The following B4GALT5 variants were observed in gnomAD, a reference collection of about 807,000 sequenced individuals.
B4GALT5 encodes UDP-Gal:beta-GlcNAc beta-1,4-galactosyltransferase 5.
Under a neutral mutation model 45.0 loss-of-function variants are expected in B4GALT5, and 11 were observed. That is an observed-to-expected ratio of 0.24 (90% CI 0.15 to 0.40). B4GALT5 has a LOEUF of 0.40. Among genes scored for constraint, B4GALT5 ranks in the 10% least tolerant of loss-of-function variants. The probability of loss-of-function intolerance (pLI) is 1.00; values close to 1 mark genes in which losing one functional copy is unlikely to be tolerated. For synonymous variants in B4GALT5, 185 were observed against 182.9 expected, an observed-to-expected ratio of 1.01 and a Z score of -0.09; for missense variants, 337 against 500.2, an observed-to-expected ratio of 0.67 and a Z score of 3.11.
At chr20:49,708,394 G>A (rs922162633) in intron 1 of B4GALT5, among the ~76,000 whole-genome samples, 29 of 152,170 alleles carry the variant, frequency 1.9e-4, no homozygotes, top group African/African-American at 6.3e-4. Flanking sequence ...GATTGACTAA[G>A]ATGCAGTTCT....
intron 1 of B4GALT5, among the ~76,000 whole-genome samples, chr20:49,659,663 A>T (rs184702283): frequency 9.8e-4 from 150 of 152,324 alleles, no homozygotes; most frequent in Admixed American, 2.0e-3. Flanking sequence ...CATTTTAAGG[A>T]ACACTCACCA....
At chr20:49,700,083 G>A (rs1337044005) in intron 1 of B4GALT5, among the ~76,000 whole-genome samples, 1 of 151,942 alleles carries the variant, frequency 6.6e-6, no homozygotes, top group African/African-American at 2.4e-5. Context: ...TATCTACCAC[G>A]CCTTCCTAAA....
intron 1 of B4GALT5, among the ~76,000 whole-genome samples, chr20:49,694,688 G>A (rs989138970): frequency 4.6e-5 from 7 of 151,254 alleles, no homozygotes; most frequent in Admixed American, 1.3e-4. Flanking sequence ...GAAAGGGAAA[G>A]GGAAAGGGAA....
At chr20:49,646,751 G>C (rs1246709312) in intron 3 of B4GALT5, among the ~76,000 whole-genome samples, 1 of 152,218 alleles carries the variant, frequency 6.6e-6, no homozygotes, top group African/African-American at 2.4e-5. Context: ...AAAGGGAAGA[G>C]TGAAAAAGTA....
chr20:49,651,259 C>A (rs543774273), intron 2 of B4GALT5, among the ~76,000 whole-genome samples: 1 of 152,032 alleles, frequency 6.6e-6, no homozygotes, highest in African/African-American at 2.4e-5. Flanking sequence ...GCACTCCAGC[C>A]CGGGCAACAG....
Position 49,639,698 on chromosome 20 carries a change from T to C in B4GALT5, c.897A>G (p.Glu299=). Reference sequence around the variant, plus strand: ...GGTACCTGTTCCAGAGGTCGTCATCTTCTCCACCCCAACCCCAGAAAGCAT... The same window carrying C: ...GGTACCTGTTCCAGAGGTCGTCATCCTCTCCACCCCAACCCCAGAAAGCAT... ...FPNAFWGWGG[E]DDDLWNRVQN... is the part of the protein sequence containing the mutation. Residue 299 remains glutamate (E), a synonymous_variant, in exon 7 of 9, where the codon GAA becomes GAG. Transcript: ENST00000371711. 6.2e-7 allele frequency: 1 copy of C among 1,613,708 alleles called. No individual in the cohort carries two copies. Among genetic ancestry groups the C allele is most frequent in the East Asian group, 2.2e-5 (1 of 44,852 alleles).
intron 1 of B4GALT5, among the ~76,000 whole-genome samples, chr20:49,707,057 T>A (rs1600559882): frequency 6.6e-6 from 1 of 151,472 alleles, no homozygotes. Context: ...GCGGGGGGAG[T>A]TGATGCTGGA....
At chr20:49,662,690 T>C (rs1179896575) in intron 1 of B4GALT5, among the ~76,000 whole-genome samples, 1 of 152,176 alleles carries the variant, frequency 6.6e-6, no homozygotes, top group East Asian at 1.9e-4. Context: ...TTTCCACCAA[T>C]TGAGCAGCAC....
chr20:49,683,255 C>A (rs755412009), intron 1 of B4GALT5, among the ~76,000 whole-genome samples: 40 of 152,210 alleles, frequency 2.6e-4, no homozygotes, highest in Non-Finnish European at 5.4e-4. Context: ...ACTATCTGCA[C>A]ATAAATGTGC....
intron 1 of B4GALT5, among the ~76,000 whole-genome samples, chr20:49,671,930 G>A (rs1399180498): frequency 6.6e-6 from 1 of 152,054 alleles, no homozygotes; most frequent in African/African-American, 2.4e-5. Flanking sequence ...GCCTTAGTAA[G>A]AGATTCCTCC....
intron 3 of B4GALT5, among the ~76,000 whole-genome samples, chr20:49,645,930 A>G (rs1210999258): frequency 6.6e-6 from 1 of 151,828 alleles, no homozygotes; most frequent in African/African-American, 2.4e-5. Context: ...ATCATGGCAC[A>G]CTGCAGCGTG....
chr20:49,690,290 G>A (rs1280970408), intron 1 of B4GALT5, among the ~76,000 whole-genome samples: 1 of 152,176 alleles, frequency 6.6e-6, no homozygotes, highest in Non-Finnish European at 1.5e-5. Flanking sequence ...ACAGGCATGA[G>A]CCATCATGCC....
At chr20:49,648,306 T>C (rs1268594887) in intron 2 of B4GALT5, among the ~76,000 whole-genome samples, 1 of 152,198 alleles carries the variant, frequency 6.6e-6, no homozygotes, top group Non-Finnish European at 1.5e-5. Context: ...TCTTTTCAAA[T>C]ACTGTGGTCA....
At chr20:49,648,364 GTTA>G (rs1016712165) in intron 2 of B4GALT5, among the ~76,000 whole-genome samples, 4 of 152,192 alleles carry the variant, frequency 2.6e-5, no homozygotes, top group African/African-American at 7.2e-5. Flanking sequence ...CATCTCTGGG[GTTA>G]TTAAGTCTCC....
At chr20:49,657,477 A>G (rs2085648231) in intron 1 of B4GALT5, among the ~76,000 whole-genome samples, 5 of 152,222 alleles carry the variant, frequency 3.3e-5, no homozygotes, top group Admixed American at 3.3e-4. Flanking sequence ...TCAAAATGTA[A>G]TCCCTATATT....
intron 2 of B4GALT5, among the ~76,000 whole-genome samples, chr20:49,650,304 AG>A (rs1220573360): frequency 6.6e-6 from 1 of 152,088 alleles, no homozygotes; most frequent in Non-Finnish European, 1.5e-5. Context: ...ACATCTTGGG[AG>A]GGGTGGCTTA....
At position 49,680,177 on chromosome 20, in the gene B4GALT5, T is replaced by C. The variant is rs75771270; in HGVS notation, c.116-23475A>G. ...ATCCAGCTATTCAATAGCATTATCA[T>C]TATTTTACTAGTAGCACAAATAAGA... On this transcript the variant is annotated intron_variant, in intron 1 of 8. Transcript: ENST00000371711. 8.8e-3 allele frequency among the ~76,000 whole-genome samples: 1,337 copies of C among 152,298 alleles called. 14 individuals carry two copies. The highest frequency in any genetic ancestry group is 0.031 in the African/African-American group (1,269 of 41,558).
intron 1 of B4GALT5, among the ~76,000 whole-genome samples, chr20:49,701,554 C>A (rs2085862154): frequency 6.6e-6 from 1 of 152,198 alleles, no homozygotes; most frequent in Non-Finnish European, 1.5e-5. Flanking sequence ...TTTCTCTTCA[C>A]CACCTGCCAC....
At chr20:49,685,924 C>CAAAA (rs199658998) in intron 1 of B4GALT5, among the ~76,000 whole-genome samples, 5 of 120,222 alleles carry the variant, frequency 4.2e-5, no homozygotes, top group African/African-American at 1.2e-4. Context: ...GATAAATGTG[C>CAAAA]AAAAAAAAAA....
Sources: gnomAD v4.1 joint callset for allele counts (sites outside exome capture counted in the v4.1 genomes callset) on GRCh38, gnomAD v4.1.1 for gene constraint, MANE v1.5 for transcripts, NCBI Gene and HGNC (gene_info 2026-07-23, HGNC 2026-07-21) for gene names.